Variants in MTDH observed in about 807,000 individuals in gnomAD.
MTDH encodes the protein protein LYRIC.
MTDH carries 34 observed loss-of-function variants against 72.7 expected under a neutral mutation model. The observed-to-expected ratio is 0.47, with a 90% CI of 0.36 to 0.62. The LOEUF is 0.62. Ranked by LOEUF, MTDH falls within the 20% of genes least tolerant of loss-of-function variation. The pLI is 0.00. For missense variants in MTDH, 677 were observed against 699.4 expected, an observed-to-expected ratio of 0.97 and a Z score of 0.36; for synonymous variants, 266 against 268.9, an observed-to-expected ratio of 0.99 and a Z score of 0.10.
At chr8:97,696,093 G>T (rs1428827618) in intron 6 of MTDH, 2 of 253,346 alleles carry the variant, frequency 7.9e-6, no homozygotes, top group Admixed American at 6.5e-5. Flanking sequence ...TATATTAAGT[G>T]GTTCTCATTT....
intron 6 of MTDH, among the ~76,000 whole-genome samples, chr8:97,695,004 A>G (rs560325112): frequency 4.6e-5 from 7 of 152,184 alleles, no homozygotes; most frequent in Non-Finnish European, 1.0e-4. Context: ...TGTGCTATAA[A>G]GCATCCTTTC....
At chr8:97,689,374 T>G (rs1813492603) in intron 5 of MTDH, among the ~76,000 whole-genome samples, 1 of 152,126 alleles carries the variant, frequency 6.6e-6, no homozygotes, top group Non-Finnish European at 1.5e-5. Context: ...ACTTTGAACC[T>G]TGTCACTTAA....
intron 2 of MTDH, among the ~76,000 whole-genome samples, chr8:97,667,832 A>T (rs1175486699): frequency 5.1e-5 from 3 of 58,618 alleles, no homozygotes; most frequent in African/African-American, 6.4e-5. Context: ...TCTCTATATT[A>T]AAAAAAAAAA....
chr8:97,723,291 G>T lies in MTDH; in HGVS notation c.1678+256G>T, dbSNP rs558030985. Among the ~76,000 whole-genome samples, 179 of 151,528 alleles carry T rather than the reference G, an allele frequency of 1.2e-3. 1 individual carries two copies. The highest frequency in any genetic ancestry group is 1.8e-3 in the Non-Finnish European group (124 of 67,896). On this transcript the variant is annotated intron_variant, in intron 11 of 11. Transcript: ENST00000336273. Reference sequence around the variant, plus strand: ...CGGGTGCCTGTAGTCCCAGCTACTCGGGAGGCTGAGGCAGGAGAATGGCGT... The same window carrying T: ...CGGGTGCCTGTAGTCCCAGCTACTCTGGAGGCTGAGGCAGGAGAATGGCGT...
intron 8 of MTDH, among the ~76,000 whole-genome samples, chr8:97,712,579 C>T (rs1814681515): frequency 6.6e-6 from 1 of 152,168 alleles, no homozygotes; most frequent in Non-Finnish European, 1.5e-5. Context: ...TAAACATAAG[C>T]TTTCATTTCT....
intron 8 of MTDH, among the ~76,000 whole-genome samples, chr8:97,708,107 A>G (rs996662239): frequency 2.0e-5 from 3 of 151,806 alleles, no homozygotes; most frequent in African/African-American, 4.8e-5. Context: ...AGCTGGGATT[A>G]CAGGCACCTG....
At chr8:97,718,989 G>C (rs964456265) in intron 9 of MTDH, 60 bp from the exon 10 acceptor site, 1 of 1,475,572 alleles carries the variant, frequency 6.8e-7, no homozygotes, top group African/African-American at 1.4e-5. Context: ...CACCACCATA[G>C]ATTTTAATTA....
intron 9 of MTDH, among the ~76,000 whole-genome samples, chr8:97,717,978 G>C (rs1814943700): frequency 1.3e-5 from 2 of 152,180 alleles, no homozygotes; most frequent in Admixed American, 6.5e-5. Flanking sequence ...TTGAACTCCT[G>C]ACCTCAAGTG....
chr8:97,702,388 C>G (rs1814168256), intron 7 of MTDH, among the ~76,000 whole-genome samples: 1 of 152,178 alleles, frequency 6.6e-6, no homozygotes, highest in Admixed American at 6.6e-5. Flanking sequence ...CATGATTATT[C>G]TATGCCTCAA....
At chr8:97,716,737 A>G (rs1814888566) in intron 9 of MTDH, among the ~76,000 whole-genome samples, 1 of 151,850 alleles carries the variant, frequency 6.6e-6, no homozygotes, top group South Asian at 2.1e-4. Flanking sequence ...GAGACATTCC[A>G]CTCTGTGGTC....
intron 6 of MTDH, among the ~76,000 whole-genome samples, chr8:97,699,413 G>T (rs1814011277): frequency 1.3e-5 from 2 of 151,788 alleles, no homozygotes; most frequent in South Asian, 4.2e-4. Flanking sequence ...CTTCAGCCTG[G>T]GTGACAGAGT....
chr8:97,703,307 A>G (rs1282136918), intron 7 of MTDH, among the ~76,000 whole-genome samples: 2 of 152,214 alleles, frequency 1.3e-5, no homozygotes, highest in East Asian at 1.9e-4. Context: ...ACAGTGTGCC[A>G]TGATCTTGCC....
At chr8:97,660,492 CAAAGATAT>C (rs1225057218) in intron 1 of MTDH, among the ~76,000 whole-genome samples, 4 of 152,104 alleles carry the variant, frequency 2.6e-5, no homozygotes, top group African/African-American at 9.7e-5. Context: ...AAATAAAGAA[CAAAGATAT>C]ATGGCCCATA....
chr8:97,687,668 A>T, intron 4 of MTDH, 63 bp downstream of exon 4: 2 of 1,339,970 alleles, frequency 1.5e-6, no homozygotes, highest in Non-Finnish European at 2.0e-6. Context: ...CGGATGTACA[A>T]AATATCATTA....
At chr8:97,670,207 T>C (rs1449728018) in intron 2 of MTDH, among the ~76,000 whole-genome samples, 1 of 152,116 alleles carries the variant, frequency 6.6e-6, no homozygotes, top group South Asian at 2.1e-4. Context: ...TCCCAGCTAT[T>C]TGGGAGGCTG....
intron 6 of MTDH, among the ~76,000 whole-genome samples, chr8:97,692,965 C>T (rs901586951): frequency 1.3e-5 from 2 of 152,134 alleles, no homozygotes; most frequent in Admixed American, 1.3e-4. Context: ...CTCTTGACCT[C>T]AAGTTGTCTT....
At chr8:97,666,913 T>C (rs1586218263) in intron 2 of MTDH, among the ~76,000 whole-genome samples, 1 of 152,130 alleles carries the variant, frequency 6.6e-6, no homozygotes, top group African/African-American at 2.4e-5. Context: ...GCCAGGCTGG[T>C]CTTGAACCCC....
At chr8:97,645,789 A>G (rs931854135) in intron 1 of MTDH, among the ~76,000 whole-genome samples, 2 of 152,158 alleles carry the variant, frequency 1.3e-5, no homozygotes, top group African/African-American at 4.8e-5. Flanking sequence ...TCATAGTTTT[A>G]TGTATTTTTA....
chr8:97,645,199 C>T (rs371406945), intron 1 of MTDH, among the ~76,000 whole-genome samples: 1 of 152,192 alleles, frequency 6.6e-6, no homozygotes, highest in Admixed American at 6.5e-5. Context: ...ATAAGCACAG[C>T]ATCCTTCCTT....
Sources: gnomAD v4.1 joint callset for allele counts (sites outside exome capture counted in the v4.1 genomes callset) on GRCh38, gnomAD v4.1.1 for gene constraint, MANE v1.5 for transcripts, NCBI Gene and HGNC (gene_info 2026-07-23, HGNC 2026-07-21) for gene names.